Variants in ATP8B1 observed in about 807,000 individuals in gnomAD.
ATP8B1 encodes phospholipid-transporting ATPase IC.
ATP8B1 carries 80 observed loss-of-function variants against 149.9 expected under a neutral mutation model. That is an observed-to-expected ratio of 0.53 (90% CI 0.45 to 0.64). The LOEUF (loss-of-function observed/expected upper bound fraction) is 0.64. Ranked by LOEUF, ATP8B1 falls within the 30% of genes least tolerant of loss-of-function variation. ATP8B1 has a pLI of 0.00. For synonymous variants in ATP8B1, 536 were observed against 562.8 expected (o/e 0.95, Z 0.67); for missense variants, 1,247 against 1,552.6 (o/e 0.80, Z 3.31).
chr18:57,701,519 C>G (rs1020610803), intron 4 of ATP8B1, among the ~76,000 whole-genome samples: 10 of 152,138 alleles, frequency 6.6e-5, no homozygotes, highest in African/African-American at 2.2e-4. Context: ...ATACCTGGAA[C>G]AGAGCCTAGA....
At chr18:57,666,637 G>C in intron 20 of ATP8B1, among the ~76,000 whole-genome samples, 1 of 151,538 alleles carries the variant, frequency 6.6e-6, no homozygotes. Flanking sequence ...CTGGGTTCAA[G>C]TGATTCTCCT....
intron 8 of ATP8B1, among the ~76,000 whole-genome samples, chr18:57,696,351 T>G (rs1182793154): frequency 6.6e-6 from 1 of 152,128 alleles, no homozygotes; most frequent in East Asian, 1.9e-4. Context: ...GTCAGGAGTT[T>G]GAGACCAACC....
rs118189780 is a variant in ATP8B1, at chr18:57,665,211, A to G, written c.2285+1881T>C. ...TTTTCAAGTTAAAAGTGAGTGACTA[A>G]GACAAATCATTGAAAGGCCGTAAGA... On this transcript the variant is annotated intron_variant, in intron 20 of 27. Transcript: ENST00000648908. 2.4e-3 allele frequency among the ~76,000 whole-genome samples: 334 copies of G among 141,960 alleles called. 9 individuals carry two copies. In the East Asian group the frequency reaches 0.056, roughly 24 times the overall value. The allele number at this position is 141,960 out of a possible 152,430, so 93.1% of individuals were successfully genotyped here. A position where few individuals can be genotyped will look rare whatever the true frequency, so the allele number is the denominator to read the frequency against.
At chr18:57,698,964 A>G (rs1295764981) in intron 6 of ATP8B1, among the ~76,000 whole-genome samples, 4 of 152,212 alleles carry the variant, frequency 2.6e-5, no homozygotes, top group African/African-American at 9.6e-5. Context: ...CTTGAACTAT[A>G]AATTTCTCAA....
At chr18:57,751,646 T>C (rs1290649366) in intron 1 of ATP8B1, among the ~76,000 whole-genome samples, 1 of 152,066 alleles carries the variant, frequency 6.6e-6, no homozygotes, top group Admixed American at 6.6e-5. Context: ...ATTATAGAAA[T>C]TACTAGATTT....
At chr18:57,654,207 A>G (rs1414584606) in intron 23 of ATP8B1, 132 bp from the exon 24 acceptor site, 7 of 859,878 alleles carry the variant, frequency 8.1e-6, no homozygotes, top group South Asian at 1.4e-5. Flanking sequence ...GGGTCTTGCT[A>G]TGTTGCCTAG....
chr18:57,652,189 GA>G lies in ATP8B1; in HGVS notation c.3262-18del. 1 of 1,613,866 alleles carries G rather than the reference GA, an allele frequency of 6.2e-7. No individual in the cohort carries two copies. The highest frequency in any genetic ancestry group is 8.5e-7 in the Non-Finnish European group (1 of 1,179,846). On this transcript the variant is annotated intron_variant, in intron 25 of 27. Coordinates refer to ENST00000648908, the MANE Select transcript of ATP8B1 (RefSeq NM_001374385.1). ...CAAGCCAATCTGTTGGGAAACCAGA[GA>G]AAAACAGAGCACTCATTTTGGGGAG...
rs1389018384 is a variant in ATP8B1 at position 57,666,946 on chromosome 18, T to C, written c.2285+146A>G. ...CTTGATTACTTGGAACTGCCTGTTG[T>C]TGTCTTGCCTCATTTAAACATGAGG... is the stretch of plus-strand genomic sequence containing the variant. On this transcript the variant is annotated intron_variant, in intron 20 of 27. Transcript: ENST00000648908. 26 of 737,990 alleles carry C rather than the reference T, an allele frequency of 3.5e-5. No individual in the cohort carries two copies. The East Asian group carries it at 6.5e-4, about 18-fold the overall frequency. The allele number at this position is 737,990 out of a possible 1,614,324, so 45.7% of individuals were successfully genotyped here.
chr18:57,797,109 C>A (rs1046044535), intron 1 of ATP8B1, among the ~76,000 whole-genome samples: 2 of 152,116 alleles, frequency 1.3e-5, no homozygotes, highest in African/African-American at 4.8e-5. Flanking sequence ...ATGGAAGCTT[C>A]CCTGAACAGC....
At chr18:57,756,548 A>G (rs186592801) in intron 1 of ATP8B1, among the ~76,000 whole-genome samples, 27 of 152,000 alleles carry the variant, frequency 1.8e-4, no homozygotes, top group Admixed American at 1.6e-3. Context: ...TGATCTGCCC[A>G]CCTTGGCCTC....
intron 6 of ATP8B1, among the ~76,000 whole-genome samples, chr18:57,698,653 A>G (rs1251783069): frequency 1.3e-5 from 2 of 152,184 alleles, no homozygotes; most frequent in East Asian, 1.9e-4. Context: ...TCTTAATTGT[A>G]AAGGCTTAAC....
At chr18:57,800,014 A>C (rs983239656) in intron 1 of ATP8B1, among the ~76,000 whole-genome samples, 2 of 152,212 alleles carry the variant, frequency 1.3e-5, no homozygotes, top group African/African-American at 4.8e-5. Flanking sequence ...GAAACAAAAA[A>C]CCTACAGGCA....
chr18:57,695,149 T>C (rs889074794), intron 10 of ATP8B1, 22 bp downstream of exon 10: 1 of 1,612,992 alleles, frequency 6.2e-7, no homozygotes, highest in East Asian at 2.2e-5. Context: ...CTGATTAATT[T>C]CCCAAGAAAC....
At chr18:57,720,534 G>C (rs201666654) in intron 2 of ATP8B1, among the ~76,000 whole-genome samples, 28,249 of 123,230 alleles carry the variant, frequency 0.23, 4,192 homozygotes, top group Non-Finnish European at 0.33. Context: ...AGCGAGAAGG[G>C]AACTTTAGAG....
intron 3 of ATP8B1, among the ~76,000 whole-genome samples, chr18:57,705,043 C>G (rs1913320576): frequency 6.6e-6 from 1 of 152,180 alleles, no homozygotes; most frequent in Non-Finnish European, 1.5e-5. Flanking sequence ...CCACTGCACT[C>G]CAGCCTGAGT....
chr18:57,788,469 C>T (rs760664418), intron 1 of ATP8B1, among the ~76,000 whole-genome samples: 1 of 151,480 alleles, frequency 6.6e-6, no homozygotes, highest in Non-Finnish European at 1.5e-5. Flanking sequence ...GCATGAGAAT[C>T]GCTTGAACCC....
chr18:57,658,167 C>G (rs932803726), intron 22 of ATP8B1, among the ~76,000 whole-genome samples: 23 of 151,134 alleles, frequency 1.5e-4, no homozygotes, highest in African/African-American at 5.4e-4. Context: ...CTGCCTCAGG[C>G]TCCCGAGTGG....
rs1441619332 is a variant in ATP8B1 at position 57,712,129 on chromosome 18, A to G, written c.182-5542T>C. Among the ~76,000 whole-genome samples, 5 of 152,066 alleles carry G rather than the reference A, an allele frequency of 3.3e-5. 1 individual carries two copies. The highest frequency in any genetic ancestry group is 2.0e-4 in the Admixed American group (3 of 15,272). ...AGCTCGCACGAATTGTAATTCCCAT[A>G]GGAACATCAAATTTAACAACTATCT... On this transcript the variant is annotated intron_variant, in intron 2 of 27. Coordinates refer to ENST00000648908, the MANE Select transcript of ATP8B1 (RefSeq NM_001374385.1).
At chr18:57,798,872 A>T (rs66835434) in intron 1 of ATP8B1, among the ~76,000 whole-genome samples, 18,184 of 152,006 alleles carry the variant, frequency 0.12, 1,238 homozygotes, top group African/African-American at 0.16. Context: ...GCTCTGGGGA[A>T]CTCTATCTTT....
Sources: allele counts gnomAD v4.1 joint callset (sites outside exome capture counted in the v4.1 genomes callset), GRCh38; gene constraint gnomAD v4.1.1; transcripts MANE v1.5; gene names NCBI Gene and HGNC (gene_info 2026-07-23, HGNC 2026-07-21).